The following POLR2J variants were observed in gnomAD, a reference collection of about 807,000 sequenced individuals.
POLR2J encodes DNA-directed RNA polymerase II subunit RPB11-a.
POLR2J carries 12 observed loss-of-function variants against 13.4 expected under a neutral mutation model. The ratio of observed to expected loss-of-function variants is 0.90; its 90% CI spans 0.57 to 1.45. The LOEUF is 1.45. Ranked by LOEUF, POLR2J falls within the 40% of genes most tolerant of loss-of-function variation. POLR2J has a pLI of 0.00. For synonymous variants in POLR2J, 31 were observed against 53.6 expected (o/e 0.58, Z 1.84); for missense variants, 58 against 132.0 (o/e 0.44, Z 2.75).
In POLR2J at chr7:102,474,395, A is replaced by C; in HGVS notation, c.284T>G (p.Ile95Ser). 8 of 1,611,214 alleles carry C rather than the reference A, an allele frequency of 5.0e-6. No homozygotes were observed. The highest frequency in any genetic ancestry group is 5.1e-6 in the Non-Finnish European group (6 of 1,179,428). ...EAFTNAITDLISELSLLEERF... is the reference protein window; with the variant it reads ...EAFTNAITDLSSELSLLEERF... The stretch of plus-strand genomic sequence containing the variant: ...CTCCTCCAGCAGGGACAGCTCACTG[A>C]TGAGGTCGGTGATGGCGTTGGTAAA... The change falls in exon 3 of 4, where the codon ATC becomes AGC. Residue 95 changes from isoleucine to serine, a missense_variant. Ile to Ser is a moderately radical substitution (Grantham distance 142). Transcript: ENST00000292614.
intron 1 of POLR2J, among the ~76,000 whole-genome samples, 163 bp from the exon 2 acceptor site, chr7:102,476,433 C>T (rs1473710260): frequency 6.6e-6 from 1 of 150,738 alleles, no homozygotes; most frequent in African/African-American, 2.5e-5. Context: ...AAGTTCAAGA[C>T]CAGCCTGCCC....
chr7:102,475,087 G>A (rs1430003723), intron 2 of POLR2J, among the ~76,000 whole-genome samples: 1 of 152,092 alleles, frequency 6.6e-6, no homozygotes, highest in African/African-American at 2.4e-5. Context: ...AGCACCACAA[G>A]GGGGACCCGT....
intron 1 of POLR2J, among the ~76,000 whole-genome samples, chr7:102,476,540 T>G (rs1174095163): frequency 3.4e-5 from 5 of 147,890 alleles, no homozygotes; most frequent in Admixed American, 6.7e-5. Flanking sequence ...CTTGGGAGAC[T>G]GAGGCAGGAG....
At chr7:102,475,480 A>T (rs1273808269) in intron 2 of POLR2J, among the ~76,000 whole-genome samples, 2 of 152,132 alleles carry the variant, frequency 1.3e-5, no homozygotes, top group Non-Finnish European at 2.9e-5. Flanking sequence ...TGCCACATAC[A>T]TCTTAGAGGC....
At chr7:102,475,231 C>A (rs1301020788) in intron 2 of POLR2J, among the ~76,000 whole-genome samples, 3 of 152,224 alleles carry the variant, frequency 2.0e-5, no homozygotes, top group Non-Finnish European at 2.9e-5. Context: ...CTGGGCAGAC[C>A]CCACTCACAG....
rs758605485 is a variant in POLR2J at position 102,474,490 on chromosome 7, G to A, written c.189C>T (p.Val63=). 3.8e-6 allele frequency: 6 copies of A among 1,594,422 alleles called. No homozygotes were observed. Among genetic ancestry groups the A allele is most frequent in the Non-Finnish European group, 5.1e-6 (6 of 1,170,006 alleles). ...TGATCTTGTGCTCCAAGGGGTGGGG[G>A]ACTTTGTAGCCAGCAAATAGCACTT... is the stretch of plus-strand genomic sequence containing the variant. ...DPQVLFAGYK[V]PHPLEHKIII... The change falls in exon 3 of 4, where the codon GTC becomes GTT. Residue 63 remains valine, a synonymous_variant. Coordinates refer to ENST00000292614, the MANE Select transcript of POLR2J (RefSeq NM_006234.6).
Position 102,473,576 on chromosome 7 carries a change from G to A in POLR2J, c.*73C>T. On this transcript the variant is annotated 3_prime_UTR_variant, in exon 4 of 4. Coordinates refer to ENST00000292614, the MANE Select transcript of POLR2J (RefSeq NM_006234.6). ...GCTGGGACCGGCCGCTCTCCTCGGT[G>A]TGGTACCTGGAGCGGAGGGTCAGGC... 1 of 1,489,258 alleles carries A rather than the reference G, an allele frequency of 6.7e-7. No individual in the cohort carries two copies. The highest frequency in any genetic ancestry group is 1.3e-5 in the South Asian group (1 of 78,594). 92.3% of individuals were successfully genotyped at this position (1,489,258 alleles called of 1,614,324 possible).
chr7:102,473,498 A>T lies in POLR2J; in HGVS notation c.*151T>A, dbSNP rs572431573. 1 of 941,696 alleles carries T rather than the reference A, an allele frequency of 1.1e-6. No homozygotes were observed. Among genetic ancestry groups the T allele is most frequent in the Non-Finnish European group, 1.4e-6 (1 of 697,210 alleles). The allele number at this position is 941,696 out of a possible 1,614,324, so 58.3% of individuals were successfully genotyped here. ...TTATTAGGAATATAAAACCTAATCTATGTACAGGACACGTCGGTGTCAGGG... is the reference window on the plus strand; with the variant it reads ...TTATTAGGAATATAAAACCTAATCTTTGTACAGGACACGTCGGTGTCAGGG... On this transcript the variant is annotated 3_prime_UTR_variant, in exon 4 of 4. Coordinates refer to ENST00000292614, the MANE Select transcript of POLR2J (RefSeq NM_006234.6).
chr7:102,478,755 T>G, intron 1 of POLR2J, 53 bp downstream of exon 1: 2 of 1,606,722 alleles, frequency 1.2e-6, no homozygotes, highest in South Asian at 1.1e-5. Flanking sequence ...CACCCCAGAA[T>G]GCGACAGCCG....
At chr7:102,474,631 TC>T (rs1374696996) in intron 2 of POLR2J, 96 bp from the exon 3 acceptor site, 3 of 1,349,678 alleles carry the variant, frequency 2.2e-6, no homozygotes, top group African/African-American at 1.5e-5. Flanking sequence ...TAGCCAAAAA[TC>T]CCCCCCAACT....
At chr7:102,474,080 C>G in intron 3 of POLR2J, 2 of 1,455,336 alleles carry the variant, frequency 1.4e-6, no homozygotes, top group Non-Finnish European at 1.8e-6. Context: ...CGTAGAAGAG[C>G]ACCCCCAAAG....
chr7:102,473,893 G>A, intron 3 of POLR2J: 1 of 1,439,358 alleles, frequency 6.9e-7, no homozygotes, highest in Non-Finnish European at 9.1e-7. Flanking sequence ...AGAGGCCCCA[G>A]AGGCTTCCTG....
At position 102,473,128 on chromosome 7, in the gene POLR2J, T is replaced by G. The variant is rs761600898; in HGVS notation, c.*521A>C. On this transcript the variant is annotated 3_prime_UTR_variant, in exon 4 of 4. Coordinates refer to ENST00000292614, the MANE Select transcript of POLR2J (RefSeq NM_006234.6). ...GGGCCGATGGGGGTGGGGGGGGGTC[T>G]TTCAGTGAATATTTTTATTAAACTC... 104 of 1,423,194 alleles carry G rather than the reference T, an allele frequency of 7.3e-5. No homozygotes were observed. The highest frequency in any genetic ancestry group is 9.7e-5 in the Non-Finnish European group (102 of 1,052,374). The allele number at this position is 1,423,194 out of a possible 1,614,324, so 88.2% of individuals were successfully genotyped here.
intron 3 of POLR2J, 126 bp downstream of exon 3, chr7:102,474,235 C>A: frequency 6.3e-7 from 1 of 1,585,080 alleles, no homozygotes; most frequent in Non-Finnish European, 8.6e-7. Context: ...GTGGAAGTCC[C>A]TGCTCTTCCA....
chr7:102,473,202 G>T lies in POLR2J; in HGVS notation c.*447C>A. The T allele has an allele frequency of 1.1e-6, 1 of 905,850 alleles. No individual in the cohort carries two copies. The highest frequency in any genetic ancestry group is 1.8e-5 in the South Asian group (1 of 56,066). 56.1% of individuals were successfully genotyped at this position (905,850 alleles called of 1,614,324 possible). ...AAAGGTGTTTCGAGTTATGCAGGAAGAAGTGTTCCTGCTTTGACTGACAGG... is the reference window on the plus strand; with the variant it reads ...AAAGGTGTTTCGAGTTATGCAGGAATAAGTGTTCCTGCTTTGACTGACAGG... On this transcript the variant is annotated 3_prime_UTR_variant, in exon 4 of 4. Coordinates refer to ENST00000292614, the MANE Select transcript of POLR2J (RefSeq NM_006234.6).
At chr7:102,475,302 T>A (rs1798395840) in intron 2 of POLR2J, among the ~76,000 whole-genome samples, 1 of 152,202 alleles carries the variant, frequency 6.6e-6, no homozygotes, top group African/African-American at 2.4e-5. Context: ...TACAGTAAAA[T>A]GACAAGTCCC....
intron 1 of POLR2J, among the ~76,000 whole-genome samples, chr7:102,478,545 G>C (rs1798490793): frequency 5.3e-5 from 8 of 152,006 alleles, no homozygotes; most frequent in Middle Eastern, 3.4e-3. Flanking sequence ...TGGAGAACCA[G>C]ACACTCTGGG....
At chr7:102,477,976 G>C in intron 1 of POLR2J, among the ~76,000 whole-genome samples, 1 of 122,366 alleles carries the variant, frequency 8.2e-6, no homozygotes, top group African/African-American at 2.9e-5. Context: ...CAGCGCACCT[G>C]GCCAGATCCC....
At chr7:102,473,813 G>A (rs1798321936) in intron 3 of POLR2J, 129 bp from the exon 4 acceptor site, 2 of 1,487,476 alleles carry the variant, frequency 1.3e-6, no homozygotes, top group South Asian at 1.4e-5. Flanking sequence ...CCCCAGGACA[G>A]TGGAGCAGCC....
Sources: allele counts gnomAD v4.1 joint callset (sites outside exome capture counted in the v4.1 genomes callset), GRCh38; gene constraint gnomAD v4.1.1; transcripts MANE v1.5; gene names NCBI Gene and HGNC (gene_info 2026-07-23, HGNC 2026-07-21).